The following CDH2 variants were observed in gnomAD, a reference collection of about 807,000 sequenced individuals.
CDH2 encodes cadherin 2.
Under a neutral mutation model 92.0 loss-of-function variants are expected in CDH2, and 17 were observed. The ratio of observed to expected loss-of-function variants is 0.18; its 90% CI spans 0.13 to 0.28. The LOEUF (loss-of-function observed/expected upper bound fraction) is 0.28. Among genes scored for constraint, CDH2 ranks in the 10% least tolerant of loss-of-function variants. The pLI, the probability that CDH2 is intolerant of heterozygous loss-of-function variation, is 1.00. For synonymous variants in CDH2, 419 were observed against 415.9 expected, an observed-to-expected ratio of 1.01 and a Z score of -0.09; for missense variants, 862 against 1,133.1, an observed-to-expected ratio of 0.76 and a Z score of 3.44.
intron 5 of CDH2, among the ~76,000 whole-genome samples, chr18:28,008,010 G>A (rs925738565): frequency 2.0e-5 from 3 of 152,022 alleles, no homozygotes; most frequent in South Asian, 2.1e-4. Flanking sequence ...CTAGGATTCC[G>A]GGCGTGAGCC....
chr18:27,955,672 TA>T (rs531139399), intron 15 of CDH2, among the ~76,000 whole-genome samples: 1 of 151,542 alleles, frequency 6.6e-6, no homozygotes, highest in African/African-American at 2.4e-5. Context: ...ATTGAGAGTC[TA>T]AAAAATATTA....
At chr18:27,933,176 A>T (rs975345321) in intron 6 of CDH2, among the ~76,000 whole-genome samples, 28 of 152,140 alleles carry the variant, frequency 1.8e-4, no homozygotes, top group Admixed American at 1.6e-3. Flanking sequence ...TCTTTTTTGG[A>T]TTAACACATA....
intron 2 of CDH2, among the ~76,000 whole-genome samples, chr18:28,120,585 C>G (rs572991338): frequency 3.9e-5 from 6 of 152,128 alleles, no homozygotes; most frequent in Non-Finnish European, 8.8e-5. Context: ...GCCGAACACG[C>G]TGTATGTATT....
At position 27,951,718 on chromosome 18, in the gene CDH2, A is replaced by G. The variant is rs1909464985; in HGVS notation, c.*435T>C. On this transcript the variant is annotated 3_prime_UTR_variant, in exon 16 of 16. Transcript: ENST00000269141. ...CCCAAGATAATAAAATCGCTCCATGAGTTTTTTTGTTTGTTTAATTTTGTA... is the reference window on the plus strand; with the variant it reads ...CCCAAGATAATAAAATCGCTCCATGGGTTTTTTTGTTTGTTTAATTTTGTA... 1.9e-5 allele frequency: 3 copies of G among 157,356 alleles called. No homozygotes were observed. Among genetic ancestry groups the G allele is most frequent in the Admixed American group, 6.2e-5 (1 of 16,162 alleles). 9.7% of individuals were successfully genotyped at this position (157,356 alleles called of 1,614,324 possible). A position where few individuals can be genotyped will look rare whatever the true frequency, so the allele number is the denominator to read the frequency against.
chr18:27,935,170 G>A (rs1371392549), intron 6 of CDH2, among the ~76,000 whole-genome samples: 1 of 152,138 alleles, frequency 6.6e-6, no homozygotes, highest in Non-Finnish European at 1.5e-5. Context: ...TTCTCACACT[G>A]CTATAACGAT....
At chr18:28,016,885 T>C (rs1470732317) in intron 2 of CDH2, among the ~76,000 whole-genome samples, 1 of 152,142 alleles carries the variant, frequency 6.6e-6, no homozygotes, top group Non-Finnish European at 1.5e-5. Context: ...GATCATGTTA[T>C]TTTTTGTTTT....
intron 2 of CDH2, among the ~76,000 whole-genome samples, chr18:28,025,547 A>G (rs993999647): frequency 7.3e-5 from 11 of 149,680 alleles, no homozygotes; most frequent in African/African-American, 2.7e-4. Context: ...AATAAAAATA[A>G]TAAGCGTTTG....
rs35562216 is a variant in CDH2, at chr18:28,166,149, C to CATATATATATATATATATATATATAT, written c.60+10813_60+10814insATATATATATATATATATATATATAT. 3.0e-3 allele frequency among the ~76,000 whole-genome samples: 178 copies of CATATATATATATATATATATATATAT among 59,212 alleles called. 9 individuals are homozygous for CATATATATATATATATATATATATAT. The highest frequency in any genetic ancestry group is 0.028 in the Middle Eastern group (2 of 72). The allele number at this position is 59,212 out of a possible 152,430, so 38.8% of individuals were successfully genotyped here. On this transcript the variant is annotated intron_variant, in intron 1 of 15. Transcript: ENST00000269141. ...CAAAGAGGAGTAATTCAGACACACT[C>CATATATATATATATATATATATATAT]ATATATATATATATATATATATATG...
intron 2 of CDH2, among the ~76,000 whole-genome samples, chr18:28,087,183 A>G (rs1191031894): frequency 6.6e-6 from 1 of 152,180 alleles, no homozygotes; most frequent in Non-Finnish European, 1.5e-5. Context: ...TATGAGATCA[A>G]TTTCCTTGAG....
At chr18:28,089,083 A>G (rs1467204195) in intron 2 of CDH2, among the ~76,000 whole-genome samples, 4 of 152,214 alleles carry the variant, frequency 2.6e-5, no homozygotes, top group Admixed American at 2.6e-4. Context: ...CAGAAAAGAG[A>G]GGAGGAACAG....
At chr18:27,933,746 G>A (rs937930433) in intron 6 of CDH2, among the ~76,000 whole-genome samples, 4 of 152,162 alleles carry the variant, frequency 2.6e-5, no homozygotes, top group Non-Finnish European at 2.9e-5. Context: ...GATTGTTTCA[G>A]GAAAAGCAAG....
At chr18:28,138,003 G>C (rs2015892578) in intron 2 of CDH2, among the ~76,000 whole-genome samples, 1 of 151,672 alleles carries the variant, frequency 6.6e-6, no homozygotes, top group South Asian at 2.1e-4. Flanking sequence ...ACTAATTTTT[G>C]TTCATTTAAT....
chr18:27,991,275 T>C (rs1239701400), intron 9 of CDH2, among the ~76,000 whole-genome samples: 1 of 152,214 alleles, frequency 6.6e-6, no homozygotes, highest in Non-Finnish European at 1.5e-5. Flanking sequence ...ATTGGTAGCC[T>C]AAGAATGATC....
intron 1 of CDH2, among the ~76,000 whole-genome samples, chr18:28,175,464 G>T (rs1225273023): frequency 6.6e-6 from 1 of 152,236 alleles, no homozygotes; most frequent in Non-Finnish European, 1.5e-5. Context: ...CCCGGGAGGA[G>T]AGCGTGGAGC....
chr18:27,937,691 A>C (rs548101577), intron 6 of CDH2, among the ~76,000 whole-genome samples: 2 of 152,314 alleles, frequency 1.3e-5, no homozygotes, highest in South Asian at 4.1e-4. Flanking sequence ...TAGGATTATA[A>C]GTGAGCCAAG....
At chr18:28,115,538 T>G (rs1022855498) in intron 2 of CDH2, among the ~76,000 whole-genome samples, 5 of 152,098 alleles carry the variant, frequency 3.3e-5, no homozygotes, top group African/African-American at 1.2e-4. Context: ...CCTGGTATCT[T>G]GCTCAGAGAA....
intron 15 of CDH2, among the ~76,000 whole-genome samples, chr18:27,960,291 G>A (rs1181894649): frequency 1.3e-5 from 2 of 152,122 alleles, no homozygotes; most frequent in Non-Finnish European, 2.9e-5. Context: ...CCCATACTCT[G>A]TATGCCTGAC....
chr18:28,166,117 T>C (rs2144361579), intron 1 of CDH2, among the ~76,000 whole-genome samples: 1 of 122,506 alleles, frequency 8.2e-6, no homozygotes, highest in Non-Finnish European at 1.6e-5. Context: ...TATGACTGCT[T>C]ACCTACCAAA....
At chr18:28,011,751 G>A in intron 4 of CDH2, 95 bp downstream of exon 4, 1 of 1,201,622 alleles carries the variant, frequency 8.3e-7, no homozygotes, top group Non-Finnish European at 1.2e-6. Flanking sequence ...GTATATACAT[G>A]TCATAAATTC....
Sources: allele counts gnomAD v4.1 joint callset (sites outside exome capture counted in the v4.1 genomes callset), GRCh38; gene constraint gnomAD v4.1.1; transcripts MANE v1.5; gene names NCBI Gene and HGNC (gene_info 2026-07-23, HGNC 2026-07-21).